CNTNAP5: variants seen among roughly 807,000 people sequenced by gnomAD.
CNTNAP5 encodes the protein contactin-associated protein-like 5.
CNTNAP5 carries 72 observed loss-of-function variants against 150.2 expected under a neutral mutation model. The observed-to-expected ratio is 0.48, with a 90% CI of 0.40 to 0.58. The LOEUF (loss-of-function observed/expected upper bound fraction) is 0.58, where lower values mean the gene tolerates loss of function less well. Ranked by LOEUF, CNTNAP5 falls within the 20% of genes least tolerant of loss-of-function variation. CNTNAP5 has a pLI of 0.00. For synonymous variants in CNTNAP5, 672 were observed against 619.8 expected (o/e 1.08, Z -1.25); for missense variants, 1,636 against 1,626.2 (o/e 1.01, Z -0.10).
intron 14 of CNTNAP5, among the ~76,000 whole-genome samples, chr2:124,758,235 G>T (rs1680882869): frequency 6.6e-6 from 1 of 152,082 alleles, no homozygotes; most frequent in Non-Finnish European, 1.5e-5. Flanking sequence ...AGAAAGAAAT[G>T]AAGACTCTTA....
rs202010487 is a variant in CNTNAP5, at chr2:124,377,599, C to T, written c.382-39844C>T. On this transcript the variant is annotated intron_variant, in intron 3 of 23. Coordinates refer to ENST00000682447, the MANE Select transcript of CNTNAP5 (RefSeq NM_001367498.1). ...CTGAGACAGGAGAATCTCTTGAACC[C>T]GGAAGGTGGAGGTTGCAGTGAGCCA... is the stretch of plus-strand genomic sequence containing the variant. Among the ~76,000 whole-genome samples the T allele has an allele frequency of 2.0e-4, 31 of 151,416 alleles. No individual in the cohort carries two copies. In the East Asian group the frequency reaches 4.5e-3, roughly 22 times the overall value.
At chr2:124,884,958 A>G (rs1417054910) in intron 21 of CNTNAP5, among the ~76,000 whole-genome samples, 1 of 152,078 alleles carries the variant, frequency 6.6e-6, no homozygotes, top group Non-Finnish European at 1.5e-5. Context: ...GGAAAGAACA[A>G]AAGACTTTTG....
chr2:124,683,452 G>T (rs567350734), intron 13 of CNTNAP5, among the ~76,000 whole-genome samples: 1 of 151,932 alleles, frequency 6.6e-6, no homozygotes, highest in African/African-American at 2.4e-5. Flanking sequence ...AAGTTTTTTG[G>T]TGGTTATTTA....
chr2:124,379,477 T>C (rs1690735222), intron 3 of CNTNAP5, among the ~76,000 whole-genome samples: 1 of 152,160 alleles, frequency 6.6e-6, no homozygotes, highest in Admixed American at 6.6e-5. Context: ...TGTCTTTTCA[T>C]GGCCTGATAG....
intron 13 of CNTNAP5, among the ~76,000 whole-genome samples, chr2:124,674,064 T>C (rs73953174): frequency 0.016 from 2,375 of 152,258 alleles, 55 homozygotes; most frequent in African/African-American, 0.054. Flanking sequence ...CCAGCAGTGA[T>C]ATATCCTCTT....
At chr2:124,235,133 C>T (rs1290717286) in intron 2 of CNTNAP5, among the ~76,000 whole-genome samples, 1 of 152,126 alleles carries the variant, frequency 6.6e-6, no homozygotes, top group Non-Finnish European at 1.5e-5. Flanking sequence ...TGTTCTAGAC[C>T]TCAGACTACA....
At chr2:124,167,431 A>C (rs2104658170) in intron 1 of CNTNAP5, among the ~76,000 whole-genome samples, 1 of 152,374 alleles carries the variant, frequency 6.6e-6, no homozygotes, top group Non-Finnish European at 1.5e-5. Flanking sequence ...AGTAAAACAA[A>C]ACAATTTTGT....
intron 13 of CNTNAP5, among the ~76,000 whole-genome samples, chr2:124,656,552 G>C (rs1378796912): frequency 1.3e-5 from 2 of 152,126 alleles, no homozygotes; most frequent in African/African-American, 4.8e-5. Context: ...AGAAGTGGGT[G>C]GGTCTTACCA....
chr2:124,713,697 T>C (rs1273609770), intron 13 of CNTNAP5, among the ~76,000 whole-genome samples: 1 of 151,972 alleles, frequency 6.6e-6, no homozygotes, highest in Non-Finnish European at 1.5e-5. Flanking sequence ...CTTATTTCCA[T>C]CCTTGCTCCT....
chr2:124,457,885 A>G (rs1456405734), intron 6 of CNTNAP5, among the ~76,000 whole-genome samples: 2 of 152,044 alleles, frequency 1.3e-5, no homozygotes, highest in African/African-American at 2.4e-5. Flanking sequence ...TCCTGCAAGA[A>G]TGGCCATAAT....
chr2:124,650,483 G>A (rs1678298719), intron 13 of CNTNAP5, among the ~76,000 whole-genome samples: 2 of 152,166 alleles, frequency 1.3e-5, no homozygotes, highest in African/African-American at 4.8e-5. Context: ...AGCATCCAGG[G>A]CATACACCTA....
chr2:124,697,135 G>A (rs62171303), intron 13 of CNTNAP5, among the ~76,000 whole-genome samples: 15,476 of 151,710 alleles, frequency 0.1, 1,058 homozygotes, highest in Non-Finnish European at 0.15. Context: ...TTAAATTTAC[G>A]GAAATACTGA....
At chr2:124,263,553 T>C (rs549466085) in intron 3 of CNTNAP5, among the ~76,000 whole-genome samples, 1 of 152,348 alleles carries the variant, frequency 6.6e-6, no homozygotes, top group South Asian at 2.1e-4. Flanking sequence ...TGTTAGCCCT[T>C]TGTCAGATGA....
intron 17 of CNTNAP5, among the ~76,000 whole-genome samples, chr2:124,780,543 G>T (rs182752880): frequency 6.6e-6 from 1 of 152,310 alleles, no homozygotes; most frequent in East Asian, 1.9e-4. Context: ...AAGATAAAGG[G>T]ATTTCAAAAC....
chr2:124,400,857 C>A (rs1691403998), intron 3 of CNTNAP5, among the ~76,000 whole-genome samples: 1 of 151,508 alleles, frequency 6.6e-6, no homozygotes, highest in Non-Finnish European at 1.5e-5. Flanking sequence ...CACTTCATTA[C>A]CCCCTACACT....
chr2:124,820,935 T>A (rs73955844), intron 19 of CNTNAP5, among the ~76,000 whole-genome samples: 4 of 152,170 alleles, frequency 2.6e-5, no homozygotes, highest in African/African-American at 9.7e-5. Context: ...TTTCTATTTC[T>A]CAAGATAGAA....
intron 3 of CNTNAP5, among the ~76,000 whole-genome samples, chr2:124,407,242 C>A (rs1691595108): frequency 6.6e-6 from 1 of 152,154 alleles, no homozygotes; most frequent in Admixed American, 6.5e-5. Flanking sequence ...TTCCTATACA[C>A]CACAAATTTT....
At chr2:124,478,928 C>T (rs1693705270) in intron 7 of CNTNAP5, among the ~76,000 whole-genome samples, 1 of 152,158 alleles carries the variant, frequency 6.6e-6, no homozygotes, top group African/African-American at 2.4e-5. Flanking sequence ...CTTTAGCAGG[C>T]TGCATTCAGC....
intron 6 of CNTNAP5, among the ~76,000 whole-genome samples, chr2:124,454,888 C>T (rs921260524): frequency 6.6e-5 from 10 of 151,940 alleles, no homozygotes; most frequent in East Asian, 1.9e-4. Context: ...TGGGATACAG[C>T]GAAAGCAGGG....
Sources: gnomAD v4.1 joint callset for allele counts (sites outside exome capture counted in the v4.1 genomes callset) on GRCh38, gnomAD v4.1.1 for gene constraint, MANE v1.5 for transcripts, NCBI Gene and HGNC (gene_info 2026-07-23, HGNC 2026-07-21) for gene names.